Variants in HS3ST5 observed in about 807,000 individuals in gnomAD.
HS3ST5 encodes the protein heparan sulfate-glucosamine 3-sulfotransferase 5.
In HS3ST5, 10 loss-of-function variants were observed where a neutral mutation model predicts 25.4. That is an observed-to-expected ratio of 0.39 (90% confidence interval 0.24 to 0.67). HS3ST5 has a LOEUF of 0.67. Ranked by LOEUF, HS3ST5 falls within the 30% of genes least tolerant of loss-of-function variation. The probability of loss-of-function intolerance (pLI) is 0.44; values close to 1 mark genes in which losing one functional copy is unlikely to be tolerated. For synonymous variants in HS3ST5, 170 were observed against 162.4 expected (o/e 1.05, Z -0.36); for missense variants, 324 against 420.7 (o/e 0.77, Z 2.01).
chr6:114,329,582 A>G (rs1776308208), intron 1 of HS3ST5, among the ~76,000 whole-genome samples: 1 of 152,184 alleles, frequency 6.6e-6, no homozygotes, highest in Admixed American at 6.5e-5. Flanking sequence ...GTGGAAAGGG[A>G]AACTGGAATC....
chr6:114,341,166 G>A (rs1242848387), intron 1 of HS3ST5, among the ~76,000 whole-genome samples: 2 of 119,548 alleles, frequency 1.7e-5, no homozygotes, highest in Admixed American at 1.7e-4. Context: ...AGAGAGGGGA[G>A]GGAGGGAGGG....
intron 1 of HS3ST5, among the ~76,000 whole-genome samples, chr6:114,268,409 A>C (rs1236601121): frequency 6.6e-6 from 1 of 152,164 alleles, no homozygotes; most frequent in African/African-American, 2.4e-5. Context: ...CAAAGGATGG[A>C]AACAGTATAT....
In HS3ST5 at chr6:114,326,015, A is replaced by AGTTCC; in HGVS notation, c.-339+16179_-339+16180insGGAAC. ...TGATGAGAGGGGAGAAATTACAAGG[A>AGTTCC]ACTACCCCTTATTTAAATTGCAATG... On this transcript the variant is annotated intron_variant, in intron 1 of 4. Transcript: ENST00000312719. Among the ~76,000 whole-genome samples, 4 of 151,584 alleles carry AGTTCC rather than the reference A, an allele frequency of 2.6e-5. 1 individual carries two copies. Among genetic ancestry groups the AGTTCC allele is most frequent in the African/African-American group, 9.8e-5 (4 of 40,882 alleles).
Position 114,243,602 on chromosome 6 carries a change from T to C in HS3ST5, c.-338-14824A>G, listed in dbSNP as rs138194894. ...GTGCTGGATTTGTTAAATCCAGATG[T>C]AGGTGTTCCTAGATTTTGTTTTTGT... On this transcript the variant is annotated intron_variant, in intron 1 of 4. Transcript: ENST00000312719. Among the ~76,000 whole-genome samples the C allele has an allele frequency of 1.6e-4, 24 of 152,366 alleles. No individual in the cohort carries two copies. In the East Asian group the frequency reaches 4.6e-3, roughly 29 times the overall value.
chr6:114,326,537 C>G (rs189303804), intron 1 of HS3ST5, among the ~76,000 whole-genome samples: 1 of 152,226 alleles, frequency 6.6e-6, no homozygotes, highest in African/African-American at 2.4e-5. Context: ...TGAACTAGCA[C>G]AGTAATTAGA....
chr6:114,219,261 G>A (rs571604181), intron 2 of HS3ST5, among the ~76,000 whole-genome samples: 7 of 152,146 alleles, frequency 4.6e-5, no homozygotes, highest in Middle Eastern at 6.8e-3. Context: ...AAAAAACAAC[G>A]AAAGGCAAAG....
At chr6:114,198,727 T>C (rs1384779450) in intron 2 of HS3ST5, among the ~76,000 whole-genome samples, 1 of 152,210 alleles carries the variant, frequency 6.6e-6, no homozygotes, top group Non-Finnish European at 1.5e-5. Context: ...GATTGTGGAC[T>C]TTACTTTGTA....
chr6:114,295,254 T>C (rs1006300077), intron 1 of HS3ST5, among the ~76,000 whole-genome samples: 1 of 152,254 alleles, frequency 6.6e-6, no homozygotes, highest in African/African-American at 2.4e-5. Flanking sequence ...ATGCCCCTTA[T>C]TCATTTCAGA....
intron 3 of HS3ST5, among the ~76,000 whole-genome samples, chr6:114,150,964 T>C (rs1486288899): frequency 2.6e-5 from 4 of 152,228 alleles, no homozygotes; most frequent in Admixed American, 6.5e-5. Flanking sequence ...TAATATCCTT[T>C]CACCTTGCAT....
intron 2 of HS3ST5, among the ~76,000 whole-genome samples, chr6:114,179,919 C>T (rs1254752003): frequency 2.0e-5 from 3 of 152,196 alleles, no homozygotes; most frequent in Middle Eastern, 3.4e-3. Context: ...AGCTGAAGAA[C>T]GTGGAGTCTG....
intron 2 of HS3ST5, among the ~76,000 whole-genome samples, chr6:114,217,149 T>C (rs1781809015): frequency 6.6e-6 from 1 of 152,212 alleles, no homozygotes; most frequent in Admixed American, 6.5e-5. Context: ...GATAAAAACA[T>C]TTCCAGGCAA....
chr6:114,270,526 T>G lies in HS3ST5; in HGVS notation c.-338-41748A>C, dbSNP rs530218692. Among the ~76,000 whole-genome samples, 380 of 152,284 alleles carry G rather than the reference T, an allele frequency of 2.5e-3. 1 individual carries two copies. Among genetic ancestry groups the G allele is most frequent in the Non-Finnish European group, 3.5e-3 (241 of 68,020 alleles). On this transcript the variant is annotated intron_variant, in intron 1 of 4. Transcript: ENST00000312719. ...TAAAGTACTGAAATAAATTACATAT[T>G]TTAAATAAAAACACTGCAGAAAGCT...
At chr6:114,210,171 T>C (rs1781450539) in intron 2 of HS3ST5, among the ~76,000 whole-genome samples, 1 of 152,192 alleles carries the variant, frequency 6.6e-6, no homozygotes, top group Non-Finnish European at 1.5e-5. Flanking sequence ...AATTACAAAC[T>C]GAAATTAGGA....
chr6:114,097,827 A>T (rs1421192831), intron 3 of HS3ST5, among the ~76,000 whole-genome samples: 4 of 152,016 alleles, frequency 2.6e-5, no homozygotes, highest in African/African-American at 9.7e-5. Context: ...ATTCCAAACC[A>T]AAATTTAAAA....
chr6:114,207,623 ACT>A (rs1280268347), intron 2 of HS3ST5, among the ~76,000 whole-genome samples: 1 of 151,182 alleles, frequency 6.6e-6, no homozygotes, highest in Non-Finnish European at 1.5e-5. Flanking sequence ...TCTCTCTCTC[ACT>A]CTCTCTCCTT....
At chr6:114,100,195 A>T (rs906302167) in intron 3 of HS3ST5, among the ~76,000 whole-genome samples, 1 of 152,168 alleles carries the variant, frequency 6.6e-6, no homozygotes, top group Non-Finnish European at 1.5e-5. Flanking sequence ...ACCAATGTGT[A>T]GATAGGTGGC....
chr6:114,327,274 C>T (rs141803589), intron 1 of HS3ST5, among the ~76,000 whole-genome samples: 32 of 152,210 alleles, frequency 2.1e-4, no homozygotes, highest in African/African-American at 7.5e-4. Context: ...TTTGTGGATT[C>T]CCCATTGTTT....
At chr6:114,314,741 C>G (rs934169556) in intron 1 of HS3ST5, among the ~76,000 whole-genome samples, 1 of 152,134 alleles carries the variant, frequency 6.6e-6, no homozygotes, top group African/African-American at 2.4e-5. Context: ...ATCCTTTCAG[C>G]TTTAAATTTT....
chr6:114,089,710 AT>A (rs1775024901), intron 3 of HS3ST5, among the ~76,000 whole-genome samples: 1 of 152,162 alleles, frequency 6.6e-6, no homozygotes, highest in Non-Finnish European at 1.5e-5. Context: ...ATTGCTTCTC[AT>A]TATTAATTGT....
Sources: gnomAD v4.1 joint callset for allele counts (sites outside exome capture counted in the v4.1 genomes callset) on GRCh38, gnomAD v4.1.1 for gene constraint, MANE v1.5 for transcripts, NCBI Gene and HGNC (gene_info 2026-07-23, HGNC 2026-07-21) for gene names.